Variants in FANCM observed in about 807,000 individuals in gnomAD.
FANCM encodes FA complementation group M.
A neutral mutation model predicts 199.5 loss-of-function variants in FANCM; 140 were observed. The observed-to-expected ratio is 0.70, with a 90% CI of 0.61 to 0.81. FANCM has a LOEUF of 0.81. Among genes scored for constraint, FANCM ranks in the 30% least tolerant of loss-of-function variants. The probability of loss-of-function intolerance (pLI) is 0.00; values close to 1 mark genes in which losing one functional copy is unlikely to be tolerated. For synonymous variants in FANCM, 840 were observed against 836.8 expected (o/e 1.00, Z -0.07); for missense variants, 2,410 against 2,421.4 (o/e 1.00, Z 0.10).
rs1885493418 is a variant in FANCM at position 45,136,277 on chromosome 14, G to A, written c.246G>A (p.Leu82=). Residue 82 remains leucine (L), a synonymous_variant, in exon 1 of 23, where the codon CTG becomes CTA. Coordinates refer to ENST00000267430, the MANE Select transcript of FANCM (RefSeq NM_020937.4). ...NGGFCTSAGA[L]WIYPTNCPVR... ...GGTTCTGCACCTCCGCGGGCGCCCT[G>A]TGGATTTACCCTACCAATTGCCCAG... 2 of 1,614,042 alleles carry A rather than the reference G, an allele frequency of 1.2e-6. No homozygotes were observed.
intron 12 of FANCM, among the ~76,000 whole-genome samples, chr14:45,172,584 G>A (rs971816616): frequency 1.3e-5 from 2 of 152,016 alleles, no homozygotes; most frequent in African/African-American, 4.8e-5. Context: ...GCTTTCATAA[G>A]CATCCTTGTA....
rs759742904 is a variant in FANCM, at chr14:45,164,342, A to T, written c.1582-17A>T. The T allele has an allele frequency of 1.3e-6, 2 of 1,592,338 alleles. No homozygotes were observed. Among genetic ancestry groups the T allele is most frequent in the African/African-American group, 2.7e-5 (2 of 74,612 alleles). ...TTACATTTGCATGTAGTTATTTTTC[A>T]ATTGTTTTTATTTTAGGTAGTGAAA... On this transcript the variant is annotated splice_polypyrimidine_tract_variant and intron_variant, in intron 9 of 22. Coordinates refer to ENST00000267430, the MANE Select transcript of FANCM (RefSeq NM_020937.4).
chr14:45,173,424 T>G (rs1163529275), intron 13 of FANCM, among the ~76,000 whole-genome samples: 1 of 152,112 alleles, frequency 6.6e-6, no homozygotes, highest in East Asian at 1.9e-4. Context: ...TAGACCAGAG[T>G]AGAATTTTAA....
chr14:45,166,847 T>A (rs1319702709), intron 10 of FANCM, 103 bp from the exon 11 acceptor site: 1 of 739,208 alleles, frequency 1.4e-6, no homozygotes, highest in Non-Finnish European at 2.3e-6. Context: ...GATCGGGGTT[T>A]AATTTTATGT....
chr14:45,147,897 G>GCCCC (rs369490952), intron 3 of FANCM, among the ~76,000 whole-genome samples: 5 of 125,988 alleles, frequency 4.0e-5, no homozygotes, highest in African/African-American at 1.5e-4. Flanking sequence ...GTTCCAAACC[G>GCCCC]CCCCCCCCCC....
intron 20 of FANCM, among the ~76,000 whole-genome samples, chr14:45,192,514 A>G (rs1467895584): frequency 6.6e-6 from 1 of 152,188 alleles, no homozygotes; most frequent in Non-Finnish European, 1.5e-5. Flanking sequence ...GTGGTGGCAC[A>G]TGCCTGTAGC....
At position 45,191,437 on chromosome 14, in the gene FANCM, C is replaced by T. The variant is rs143766655; in HGVS notation, c.5340+2075C>T. On this transcript the variant is annotated intron_variant, in intron 20 of 22. Transcript: ENST00000267430. ...GCTACAGAGCCTGGGTGCCTCCACA[C>T]TGCCCTTCTGGGCTTCTAATCACCA... Among the ~76,000 whole-genome samples, 157 of 152,334 alleles carry T rather than the reference C, an allele frequency of 1.0e-3. 1 individual carries two copies. The highest frequency in any genetic ancestry group is 3.4e-3 in the Middle Eastern group (1 of 294).
chr14:45,184,389 C>T (rs906651256), intron 17 of FANCM, among the ~76,000 whole-genome samples: 9 of 152,176 alleles, frequency 5.9e-5, no homozygotes, highest in East Asian at 1.9e-4. Context: ...AGGCTGGGCG[C>T]GGTGGCTCAC....
Position 45,146,880 on chromosome 14 carries a change from A to G in FANCM, c.760-1957A>G, listed in dbSNP as rs975433532. On this transcript the variant is annotated intron_variant, in intron 3 of 22. Transcript: ENST00000267430. ...AAAAGTCATCCCTTCAGAAAGGTCT[A>G]TTCTAACTAAGCTATCTTGTCAGTG... Among the ~76,000 whole-genome samples the G allele has an allele frequency of 7.4e-5, 11 of 148,974 alleles. No individual in the cohort carries two copies. The Middle Eastern group carries it at 0.014, about 191-fold the overall frequency.
Position 45,199,861 on chromosome 14 carries a change from AT to A in FANCM, c.6009-4del. ...CTAGTGTAATGATTTTGTCTCATTT[AT>A]TTTTCAGCTCACTTCAAGAAATCTC... On this transcript the variant is annotated splice_polypyrimidine_tract_variant and splice_region_variant and intron_variant, in intron 22 of 22. Transcript: ENST00000267430. 6.2e-7 allele frequency: 1 copy of A among 1,611,226 alleles called. No homozygotes were observed. Among genetic ancestry groups the A allele is most frequent in the Non-Finnish European group, 8.5e-7 (1 of 1,178,090 alleles).
At chr14:45,196,132 CA>C in intron 20 of FANCM, 39 bp from the exon 21 acceptor site, 1 of 1,610,494 alleles carries the variant, frequency 6.2e-7, no homozygotes, top group Non-Finnish European at 8.5e-7. Flanking sequence ...CATTTTTATG[CA>C]TTTAACCTGA....
intron 9 of FANCM, among the ~76,000 whole-genome samples, chr14:45,161,046 G>A (rs185698209): frequency 6.6e-6 from 1 of 152,214 alleles, no homozygotes; most frequent in Admixed American, 6.5e-5. Context: ...GATTTTTGCT[G>A]TGGAGGTCAA....
At position 45,136,084 on chromosome 14, in the gene FANCM, G is replaced by A. The variant is rs146609069; in HGVS notation, c.53G>A (p.Arg18Gln). 127 of 1,614,024 alleles carry A rather than the reference G, an allele frequency of 7.9e-5. No individual in the cohort carries two copies. The highest frequency in any genetic ancestry group is 4.9e-4 in the Middle Eastern group (3 of 6,062). The part of the protein sequence containing the change: ...LFQTWGSSIS[R>Q]SSGTPGCSSG... Reference sequence around the variant, plus strand: ...CAGACGTGGGGCTCAAGTATCTCCCGATCATCTGGGACTCCGGGTTGCAGC... The same window carrying A: ...CAGACGTGGGGCTCAAGTATCTCCCAATCATCTGGGACTCCGGGTTGCAGC... The change falls in exon 1 of 23, where the codon CGA (arginine) becomes CAA (glutamine). Residue 18 changes from arginine (R) to glutamine (Q), a missense_variant. Arg to Gln is a conservative substitution (Grantham distance 43). Transcript: ENST00000267430.
At chr14:45,146,331 C>G (rs76372110) in intron 3 of FANCM, among the ~76,000 whole-genome samples, 4,163 of 151,482 alleles carry the variant, frequency 0.027, 192 homozygotes, top group African/African-American at 0.096. Context: ...TGATTGCTCA[C>G]TTGATTTTTG....
Position 45,196,219 on chromosome 14 carries a change from C to T in FANCM, c.5388C>T (p.Ser1796=). Residue 1796 remains serine, a synonymous_variant, in exon 21 of 23, where the codon TCC becomes TCT. Transcript: ENST00000267430. ...CTAGCACTTCAGGGGCATCCTGTTC[C>T]AAGTCAAGACCACATTTAGCTGGGA... The part of the protein sequence containing the change: ...EDSSTSGASC[S]KSRPHLAGTH... 6.2e-7 allele frequency: 1 copy of T among 1,614,006 alleles called. No individual in the cohort carries two copies. The highest frequency in any genetic ancestry group is 8.5e-7 in the Non-Finnish European group (1 of 1,179,936).
At position 45,173,045 on chromosome 14, in the gene FANCM, A is replaced by G. The variant is rs950233980; in HGVS notation, c.2161-10A>G. 6.3e-7 allele frequency: 1 copy of G among 1,590,908 alleles called. No homozygotes were observed. Among genetic ancestry groups the G allele is most frequent in the African/African-American group, 1.3e-5 (1 of 74,358 alleles). ...TTTTCATCATTTTTATTACTTTTTAAATAATTAAGGCTCAAGAATCAACCA... is the reference window on the plus strand; with the variant it reads ...TTTTCATCATTTTTATTACTTTTTAGATAATTAAGGCTCAAGAATCAACCA... On this transcript the variant is annotated splice_polypyrimidine_tract_variant and intron_variant, in intron 12 of 22. Coordinates refer to ENST00000267430, the MANE Select transcript of FANCM (RefSeq NM_020937.4).
chr14:45,170,928 A>C lies in FANCM; in HGVS notation c.2160+182A>C, dbSNP rs1594792592. On this transcript the variant is annotated intron_variant, in intron 12 of 22. Coordinates refer to ENST00000267430, the MANE Select transcript of FANCM (RefSeq NM_020937.4). The stretch of plus-strand genomic sequence containing the variant: ...CAGTGTAAGAAATCATTAAAGTCTA[A>C]GTTTACAAAACTACTAATTTTCTTC... Among the ~76,000 whole-genome samples the C allele has an allele frequency of 2.0e-5, 3 of 152,324 alleles. No individual in the cohort carries two copies. In the South Asian group the frequency reaches 6.2e-4, roughly 32 times the overall value.
Position 45,196,196 on chromosome 14 carries a change from A to C in FANCM, c.5365A>C (p.Ser1789Arg). 2 of 1,614,180 alleles carry C rather than the reference A, an allele frequency of 1.2e-6. No individual in the cohort carries two copies. Among genetic ancestry groups the C allele is most frequent in the Non-Finnish European group, 1.7e-6 (2 of 1,180,000 alleles). ...QKDGSALEDS[S>R]TSGASCSKSR... ...GGATGGTAGTGCTTTGGAGGATTCT[A>C]GCACTTCAGGGGCATCCTGTTCCAA... The change falls in exon 21 of 23, where the codon AGC becomes CGC. Residue 1789 changes from serine (S) to arginine (R), a missense_variant. Ser to Arg is a moderately radical substitution (Grantham distance 110). Coordinates refer to ENST00000267430, the MANE Select transcript of FANCM (RefSeq NM_020937.4).
At position 45,170,638 on chromosome 14, in the gene FANCM, A is replaced by G; in HGVS notation, c.2052A>G (p.Glu684=). 2.5e-6 allele frequency: 4 copies of G among 1,602,994 alleles called. No homozygotes were observed. Among genetic ancestry groups the G allele is most frequent in the Middle Eastern group, 1.7e-4 (1 of 6,038 alleles). ...AAGATTGGTTCTTATCAGAAGAAGAATTTAAATTATGGAACAGACTTTATA... is the reference window on the plus strand; with the variant it reads ...AAGATTGGTTCTTATCAGAAGAAGAGTTTAAATTATGGAACAGACTTTATA... ...LKKDWFLSEE[E]FKLWNRLYRL... is the part of the protein sequence containing the mutation. Residue 684 remains glutamate (E), a synonymous_variant, in exon 12 of 23, where the codon GAA becomes GAG. Coordinates refer to ENST00000267430, the MANE Select transcript of FANCM (RefSeq NM_020937.4).
Sources: allele counts gnomAD v4.1 joint callset (sites outside exome capture counted in the v4.1 genomes callset), GRCh38; gene constraint gnomAD v4.1.1; transcripts MANE v1.5; gene names NCBI Gene and HGNC (gene_info 2026-07-23, HGNC 2026-07-21).